Variants in EPB41L4B observed in about 807,000 individuals in gnomAD.
The protein encoded by EPB41L4B is band 4.1-like protein 4B.
Under a neutral mutation model 112.5 loss-of-function variants are expected in EPB41L4B, and 30 were observed. The observed-to-expected ratio is 0.27, with a 90% confidence interval of 0.20 to 0.36. EPB41L4B has a LOEUF of 0.36. Among genes scored for constraint, EPB41L4B ranks in the 10% least tolerant of loss-of-function variants. The pLI is 1.00. For synonymous variants in EPB41L4B, 408 were observed against 439.7 expected, an observed-to-expected ratio of 0.93 and a Z score of 0.90; for missense variants, 1,024 against 1,133.3, an observed-to-expected ratio of 0.90 and a Z score of 1.38.
chr9:109,226,726 G>C (rs1301694265), intron 15 of EPB41L4B, among the ~76,000 whole-genome samples: 1 of 119,866 alleles, frequency 8.3e-6, no homozygotes. Flanking sequence ...TATATATGAA[G>C]TATATATATG....
rs1159793842 is a variant in EPB41L4B, at chr9:109,321,020, C to T, written c.-574G>A. 1 of 188,504 alleles carries T rather than the reference C, an allele frequency of 5.3e-6. No individual in the cohort carries two copies. Among genetic ancestry groups the T allele is most frequent in the Non-Finnish European group, 1.1e-5 (1 of 93,966 alleles). The allele number at this position is 188,504 out of a possible 1,614,324, so 11.7% of individuals were successfully genotyped here. ...AGGCTGCACCTCCAGCCGCCGCCGC[C>T]GCCGCCGCCGCCGCTGCCGCCGGGA... On this transcript the variant is annotated 5_prime_UTR_variant, in exon 1 of 26. Coordinates refer to ENST00000374566, the MANE Select transcript of EPB41L4B (RefSeq NM_019114.5).
chr9:109,259,986 T>C (rs1835138195), intron 6 of EPB41L4B, among the ~76,000 whole-genome samples: 2 of 152,122 alleles, frequency 1.3e-5, no homozygotes, highest in Non-Finnish European at 2.9e-5. Flanking sequence ...GACTGTAGCA[T>C]TTACTCATGG....
At chr9:109,224,971 G>T (rs1259260868) in intron 15 of EPB41L4B, among the ~76,000 whole-genome samples, 1 of 152,194 alleles carries the variant, frequency 6.6e-6, no homozygotes. Context: ...CTGCCCATCT[G>T]CTGCCTCTTT....
chr9:109,289,072 AAC>A (rs1836421871), intron 1 of EPB41L4B, among the ~76,000 whole-genome samples: 1 of 152,106 alleles, frequency 6.6e-6, no homozygotes, highest in South Asian at 2.1e-4. Flanking sequence ...TCTTTCCGTA[AAC>A]ACAGCCCTTG....
chr9:109,200,283 C>A lies in EPB41L4B; in HGVS notation c.1998G>T (p.Pro666=). 1 of 1,614,076 alleles carries A rather than the reference C, an allele frequency of 6.2e-7. No individual in the cohort carries two copies. Among genetic ancestry groups the A allele is most frequent in the Non-Finnish European group, 8.5e-7 (1 of 1,180,024 alleles). ...TCCTCACTCGGGGAGGCTTGATTTC[C>A]GGCTTTTCCACAGCTGGCTGGGCAG... is the stretch of plus-strand genomic sequence containing the variant. The part of the protein sequence containing the change: ...VETAQPAVEK[P]EIKPPRVRKL... Residue 666 remains proline, a synonymous_variant, in exon 20 of 26, where the codon CCG becomes CCT. Coordinates refer to ENST00000374566, the MANE Select transcript of EPB41L4B (RefSeq NM_019114.5).
At chr9:109,261,190 G>A (rs559795478) in intron 6 of EPB41L4B, among the ~76,000 whole-genome samples, 1 of 152,256 alleles carries the variant, frequency 6.6e-6, no homozygotes, top group East Asian at 1.9e-4. Flanking sequence ...CATAAAGACT[G>A]TCATATCAGA....
intron 1 of EPB41L4B, among the ~76,000 whole-genome samples, chr9:109,313,529 C>G (rs762975594): frequency 3.3e-5 from 5 of 152,194 alleles, no homozygotes; most frequent in Non-Finnish European, 5.9e-5. Context: ...TGGCGAGAGT[C>G]GAGACTGCCC....
chr9:109,297,790 G>A (rs928636274), intron 1 of EPB41L4B, among the ~76,000 whole-genome samples: 1 of 152,242 alleles, frequency 6.6e-6, no homozygotes, highest in Non-Finnish European at 1.5e-5. Flanking sequence ...AAGCTCCTTG[G>A]GTCCCACTCA....
At chr9:109,200,184 CAATTAGTCATCATAGTTGTTTT>C in intron 20 of EPB41L4B, 30 bp downstream of exon 20, 2 of 1,469,276 alleles carry the variant, frequency 1.4e-6, no homozygotes, top group Non-Finnish European at 1.9e-6. Flanking sequence ...TGTATCTAAA[CAATTAGTCATCATAGTTGTTTT>C]AATTGAAAAA....
At chr9:109,254,831 C>T (rs1381464905) in intron 11 of EPB41L4B, among the ~76,000 whole-genome samples, 1 of 152,210 alleles carries the variant, frequency 6.6e-6, no homozygotes, top group African/African-American at 2.4e-5. Context: ...AATATCTACT[C>T]ATCCTACCTT....
chr9:109,320,045 G>C, intron 1 of EPB41L4B, 96 bp downstream of exon 1: 1 of 1,056,570 alleles, frequency 9.5e-7, no homozygotes, highest in Non-Finnish European at 1.2e-6. Context: ...CCCCAGGGAG[G>C]TGCAAGGGAA....
chr9:109,201,418 GC>G (rs568081340), intron 19 of EPB41L4B, among the ~76,000 whole-genome samples: 9 of 148,026 alleles, frequency 6.1e-5, no homozygotes, highest in African/African-American at 2.0e-4. Flanking sequence ...CTACTCCACT[GC>G]AGCCTGGGTG....
At chr9:109,284,724 C>T (rs1836205130) in intron 1 of EPB41L4B, among the ~76,000 whole-genome samples, 1 of 152,242 alleles carries the variant, frequency 6.6e-6, no homozygotes, top group Non-Finnish European at 1.5e-5. Flanking sequence ...CAAGTTTTAA[C>T]AGTGATCTTC....
chr9:109,265,544 G>GGCA (rs35066884), intron 4 of EPB41L4B, among the ~76,000 whole-genome samples: 2 of 4,054 alleles, frequency 4.9e-4, no homozygotes, highest in Admixed American at 9.7e-3. Context: ...AACAGGCACA[G>GGCA]CACACAAACA....
At chr9:109,286,649 C>T (rs2119162382) in intron 1 of EPB41L4B, among the ~76,000 whole-genome samples, 1 of 152,194 alleles carries the variant, frequency 6.6e-6, no homozygotes, top group Non-Finnish European at 1.5e-5. Flanking sequence ...CCAACCACCA[C>T]TCTGGGTGTT....
Position 109,201,981 on chromosome 9 carries a change from G to C in EPB41L4B, c.1947-1647C>G, listed in dbSNP as rs1450567623. ...GAAGCATCTTAGAGGACTGTGGGCA[G>C]CAGTAGGCCCGGAAGACAATGAGGG... On this transcript the variant is annotated intron_variant, in intron 19 of 25. Transcript: ENST00000374566. Among the ~76,000 whole-genome samples, 8 of 152,190 alleles carry C rather than the reference G, an allele frequency of 5.3e-5. No homozygotes were observed. The East Asian group carries it at 1.3e-3, about 26-fold the overall frequency.
chr9:109,276,144 CGTGT>C (rs1179263851), intron 2 of EPB41L4B, among the ~76,000 whole-genome samples: 2 of 140,114 alleles, frequency 1.4e-5, no homozygotes, highest in African/African-American at 5.3e-5. Context: ...ATAATATATA[CGTGT>C]GTGTATACAC....
chr9:109,213,854 T>C, intron 16 of EPB41L4B, 36 bp from the exon 17 acceptor site: 2 of 1,584,704 alleles, frequency 1.3e-6, no homozygotes, highest in Non-Finnish European at 1.7e-6. Flanking sequence ...TAAGGAAAGG[T>C]TGAAAGGACA....
At chr9:109,176,002 A>C (rs1831811636) in intron 25 of EPB41L4B, among the ~76,000 whole-genome samples, 1 of 148,956 alleles carries the variant, frequency 6.7e-6, no homozygotes. Context: ...CCTTATTGCC[A>C]TTCACAATTT....
Sources: gnomAD v4.1 joint callset for allele counts (sites outside exome capture counted in the v4.1 genomes callset) on GRCh38, gnomAD v4.1.1 for gene constraint, MANE v1.5 for transcripts, NCBI Gene and HGNC (gene_info 2026-07-23, HGNC 2026-07-21) for gene names.